Variants in DOCK11 observed in about 807,000 individuals in gnomAD.
DOCK11 encodes dedicator of cytokinesis protein 11.
Under a neutral mutation model 169.1 loss-of-function variants are expected in DOCK11, and 70 were observed. The observed-to-expected ratio is 0.41, with a 90% CI of 0.34 to 0.51. The LOEUF is 0.51. Among genes scored for constraint, DOCK11 ranks in the 20% least tolerant of loss-of-function variants. The pLI is 0.10. For missense variants in DOCK11, 1,166 were observed against 1,538.8 expected (o/e 0.76, Z 4.05); for synonymous variants, 529 against 541.3 (o/e 0.98, Z 0.32).
chrX:118,626,959 G>A (rs1017682456), intron 32 of DOCK11, among the ~76,000 whole-genome samples: 1 of 112,695 alleles, frequency 8.9e-6, no homozygotes, highest in African/African-American at 3.2e-5. Flanking sequence ...GCTGGGCGCC[G>A]TGGCACATGC....
chrX:118,601,813 T>A (rs1182658637), intron 23 of DOCK11, among the ~76,000 whole-genome samples: 1 of 111,673 alleles, frequency 9.0e-6, no homozygotes, highest in Non-Finnish European at 1.9e-5. Context: ...GGTCTCACTC[T>A]GTCGCCCAGG....
intron 40 of DOCK11, among the ~76,000 whole-genome samples, chrX:118,648,533 T>C (rs1289468808): frequency 1.1e-5 from 1 of 91,678 alleles, no homozygotes; most frequent in Non-Finnish European, 2.1e-5. Flanking sequence ...TATATATATT[T>C]ATATATTTAT....
intron 20 of DOCK11, 78 bp downstream of exon 20, chrX:118,593,415 G>C: frequency 2.0e-6 from 2 of 988,844 alleles, no homozygotes; most frequent in Non-Finnish European, 2.7e-6. Context: ...TTTTCACCAA[G>C]CTATAGACCA....
intron 1 of DOCK11, among the ~76,000 whole-genome samples, chrX:118,536,049 A>G (rs1414697837): frequency 8.9e-6 from 1 of 112,102 alleles, no homozygotes; most frequent in Non-Finnish European, 1.9e-5. Context: ...GGCTCATGCC[A>G]GCACTTTGGG....
chrX:118,528,501 C>T (rs867989639), intron 1 of DOCK11, among the ~76,000 whole-genome samples: 1 of 111,292 alleles, frequency 9.0e-6, no homozygotes, highest in South Asian at 3.7e-4. Flanking sequence ...GGAGAATGTA[C>T]AGGAGAAGGT....
intron 31 of DOCK11, among the ~76,000 whole-genome samples, chrX:118,623,669 C>T (rs997654896): frequency 8.9e-6 from 1 of 112,933 alleles, no homozygotes; most frequent in South Asian, 3.5e-4. Flanking sequence ...CCAATTAACA[C>T]GTGACAAATT....
At chrX:118,524,704 T>G in intron 1 of DOCK11, among the ~76,000 whole-genome samples, 1 of 111,741 alleles carries the variant, frequency 8.9e-6, no homozygotes, top group South Asian at 3.7e-4. Context: ...CCTGTTCTGA[T>G]GGTTGTTATT....
intron 29 of DOCK11, 146 bp downstream of exon 29, chrX:118,614,921 G>T (rs943086804): frequency 4.6e-5 from 21 of 451,627 alleles, no homozygotes; most frequent in Non-Finnish European, 7.8e-5. Context: ...AGGAATACTG[G>T]ACTGTGTTTT....
chrX:118,668,591 A>G (rs912122048), intron 45 of DOCK11, among the ~76,000 whole-genome samples: 1 of 111,874 alleles, frequency 8.9e-6, no homozygotes, highest in Non-Finnish European at 1.9e-5. Flanking sequence ...CAGTGACACT[A>G]AAATAATTAC....
intron 1 of DOCK11, among the ~76,000 whole-genome samples, chrX:118,504,181 C>T (rs758853837): frequency 9.2e-6 from 1 of 108,649 alleles, no homozygotes; most frequent in East Asian, 3.0e-4. Flanking sequence ...AGATCCTTAA[C>T]GTTTTTCAAG....
At chrX:118,600,631 G>C (rs1370103935) in intron 23 of DOCK11, among the ~76,000 whole-genome samples, 1 of 110,984 alleles carries the variant, frequency 9.0e-6, no homozygotes, top group Non-Finnish European at 1.9e-5. Flanking sequence ...ATCTCATATG[G>C]TAATAACTGT....
intron 1 of DOCK11, among the ~76,000 whole-genome samples, chrX:118,521,243 C>T (rs764767299): frequency 8.9e-6 from 1 of 112,358 alleles, no homozygotes; most frequent in South Asian, 3.7e-4. Flanking sequence ...TATTGGGAAA[C>T]TTACTCAACC....
chrX:118,685,017 A>C (rs1037536759), intron 52 of DOCK11, among the ~76,000 whole-genome samples: 1 of 111,715 alleles, frequency 9.0e-6, no homozygotes, highest in African/African-American at 3.2e-5. Context: ...ACCTCAATCT[A>C]CTTTAAGCAC....
At chrX:118,644,020 A>G (rs1289513502) in intron 40 of DOCK11, among the ~76,000 whole-genome samples, 1 of 111,587 alleles carries the variant, frequency 9.0e-6, no homozygotes, top group Non-Finnish European at 1.9e-5. Flanking sequence ...CACTCAGTAC[A>G]TGTTCAAATG....
rs1367893987 is a variant in DOCK11, at chrX:118,495,952, A to G, written c.-20A>G. 1.9e-6 allele frequency: 2 copies of G among 1,039,337 alleles called. No homozygotes were observed. Among genetic ancestry groups the G allele is most frequent in the Admixed American group, 7.6e-5 (2 of 26,355 alleles). The allele number at this position is 1,039,337 out of a possible 1,213,427, so 85.7% of individuals were successfully genotyped here. On this transcript the variant is annotated 5_prime_UTR_variant, in exon 1 of 53. Coordinates refer to ENST00000276202, the MANE Select transcript of DOCK11 (RefSeq NM_144658.4). ...CGCCGAGGTCCGCCCGCCCGCCGAGACCCGCCCGCCGCCGCTGCCATGGCC... is the reference window on the plus strand; with the variant it reads ...CGCCGAGGTCCGCCCGCCCGCCGAGGCCCGCCCGCCGCCGCTGCCATGGCC...
chrX:118,526,209 A>G (rs1384322957), intron 1 of DOCK11, among the ~76,000 whole-genome samples: 1 of 112,089 alleles, frequency 8.9e-6, no homozygotes, highest in Non-Finnish European at 1.9e-5. Flanking sequence ...GATATGAGCC[A>G]GGGCTTTCAA....
intron 1 of DOCK11, among the ~76,000 whole-genome samples, chrX:118,500,406 AAAGT>A (rs2057568419): frequency 9.0e-6 from 1 of 111,333 alleles, no homozygotes; most frequent in Admixed American, 9.5e-5. Flanking sequence ...GAAAAACAGA[AAAGT>A]AAGAATAATT....
At chrX:118,557,463 A>G (rs1454948072) in intron 6 of DOCK11, among the ~76,000 whole-genome samples, 2 of 111,305 alleles carry the variant, frequency 1.8e-5, no homozygotes, top group East Asian at 2.8e-4. Context: ...TGGAGCAGAA[A>G]GATTAGAAAT....
chrX:118,645,885 T>TAA (rs1255554011), intron 40 of DOCK11, among the ~76,000 whole-genome samples: 9,742 of 74,652 alleles, frequency 0.13, 628 homozygotes, highest in Non-Finnish European at 0.17. Flanking sequence ...TGTCTCTAGT[T>TAA]AAAAAAAAAA....
Sources: gnomAD v4.1 joint callset for allele counts (sites outside exome capture counted in the v4.1 genomes callset) on GRCh38, gnomAD v4.1.1 for gene constraint, MANE v1.5 for transcripts, NCBI Gene and HGNC (gene_info 2026-07-23, HGNC 2026-07-21) for gene names.